Variants in PRH1 observed in about 807,000 individuals in gnomAD.
The protein encoded by PRH1 is proline rich protein HaeIII subfamily 1, also known as salivary acidic proline-rich phosphoprotein 1/2.
A neutral mutation model predicts 7.9 loss-of-function variants in PRH1; 7 were observed. The observed-to-expected ratio is 0.89, with a 90% CI of 0.50 to 1.67. PRH1 has a LOEUF of 1.67. Among genes scored for constraint, PRH1 ranks in the 40% most tolerant of loss-of-function variants. PRH1 has a pLI of 0.00. For synonymous variants in PRH1, 45 were observed against 80.8 expected, an observed-to-expected ratio of 0.56 and a Z score of 2.38; for missense variants, 109 against 223.6, an observed-to-expected ratio of 0.49 and a Z score of 3.27.
At chr12:11,094,041 T>C (rs1381327348) in intron 1 of PRH1, among the ~76,000 whole-genome samples, 1 of 112,626 alleles carries the variant, frequency 8.9e-6, no homozygotes, top group South Asian at 2.4e-4. Flanking sequence ...CTTAGAAAAA[T>C]AAAATCCAGG....
At chr12:11,104,079 T>C (rs1247590189) in intron 1 of PRH1, among the ~76,000 whole-genome samples, 1 of 151,120 alleles carries the variant, frequency 6.6e-6, no homozygotes, top group Non-Finnish European at 1.5e-5. Flanking sequence ...GCTTTTGATG[T>C]GGACACTAGG....
chr12:10,883,555 T>C (rs958788153), intron 1 of PRH1, among the ~76,000 whole-genome samples: 6 of 152,198 alleles, frequency 3.9e-5, no homozygotes, highest in African/African-American at 1.4e-4. Flanking sequence ...GTAAATATGT[T>C]GTTTATGTTT....
chr12:10,904,597 C>T (rs1226713433), intron 2 of PRH1, among the ~76,000 whole-genome samples: 3 of 152,050 alleles, frequency 2.0e-5, no homozygotes, highest in Non-Finnish European at 2.9e-5. Flanking sequence ...TTAGGAAACA[C>T]CATTCTAAAC....
chr12:10,987,041 T>C, intron 1 of PRH1: 1 of 435,464 alleles, frequency 2.3e-6, no homozygotes, highest in East Asian at 3.4e-5. Flanking sequence ...AATGGATGAG[T>C]TTGATGTCAT....
chr12:10,965,049 G>C, intron 2 of PRH1: 6 of 1,000,740 alleles, frequency 6.0e-6, no homozygotes, highest in South Asian at 5.1e-5. Flanking sequence ...AATATGCTGA[G>C]GCTAGTAGCA....
intron 1 of PRH1, among the ~76,000 whole-genome samples, chr12:11,066,700 G>A (rs1290640231): frequency 6.6e-6 from 1 of 151,320 alleles, no homozygotes; most frequent in Admixed American, 6.6e-5. Flanking sequence ...TTTGATAAAT[G>A]TGATTTCCAT....
At chr12:11,107,830 T>A (rs556485130) in intron 1 of PRH1, among the ~76,000 whole-genome samples, 1 of 152,188 alleles carries the variant, frequency 6.6e-6, no homozygotes, top group African/African-American at 2.4e-5. Flanking sequence ...CTGGGTAAAA[T>A]TGAAGAAGAC....
At chr12:11,134,735 A>G (rs1946496516) in intron 1 of PRH1, 1 of 156,430 alleles carries the variant, frequency 6.4e-6, no homozygotes, top group Admixed American at 6.2e-5. Context: ...AACTAAGATC[A>G]TCACCAATAC....
chr12:11,129,864 T>A (rs1403620298), intron 1 of PRH1, among the ~76,000 whole-genome samples: 1 of 152,280 alleles, frequency 6.6e-6, no homozygotes, highest in East Asian at 1.9e-4. Context: ...ATTGATAATA[T>A]TACAGACCGG....
At chr12:10,921,659 G>C (rs989715789) in intron 2 of PRH1, among the ~76,000 whole-genome samples, 3 of 151,764 alleles carry the variant, frequency 2.0e-5, no homozygotes, top group African/African-American at 7.3e-5. Flanking sequence ...CTTTGATTTT[G>C]GTTGACATCC....
At chr12:10,930,035 T>C (rs778732009) in intron 2 of PRH1, among the ~76,000 whole-genome samples, 5 of 152,034 alleles carry the variant, frequency 3.3e-5, no homozygotes, top group Non-Finnish European at 5.9e-5. Flanking sequence ...TAAGGAATCA[T>C]GAGAGGACAA....
chr12:10,943,717 T>C (rs1950440349), intron 2 of PRH1, among the ~76,000 whole-genome samples: 1 of 152,124 alleles, frequency 6.6e-6, no homozygotes, highest in African/African-American at 2.4e-5. Flanking sequence ...TACATTTAGG[T>C]CTTTAATCCA....
At chr12:11,141,831 A>G (rs1250347235) in intron 1 of PRH1, among the ~76,000 whole-genome samples, 1 of 152,216 alleles carries the variant, frequency 6.6e-6, no homozygotes, top group African/African-American at 2.4e-5. Flanking sequence ...TCTGTCACCC[A>G]GGCTGGAGTG....
At chr12:11,011,087 T>C (rs1399702641) in intron 1 of PRH1, among the ~76,000 whole-genome samples, 1 of 152,020 alleles carries the variant, frequency 6.6e-6, no homozygotes, top group Non-Finnish European at 1.5e-5. Context: ...AATGTAAAAG[T>C]AGTCTATAAG....
chr12:11,083,933 TGC>T (rs1944586335), intron 1 of PRH1, among the ~76,000 whole-genome samples: 1 of 64,206 alleles, frequency 1.6e-5, no homozygotes, highest in Non-Finnish European at 3.6e-5. Context: ...TAGTTGGTTC[TGC>T]TGGGACAATT....
At chr12:11,062,915 T>C (rs560285720) in intron 1 of PRH1, among the ~76,000 whole-genome samples, 8 of 152,190 alleles carry the variant, frequency 5.3e-5, no homozygotes, top group Admixed American at 5.2e-4. Flanking sequence ...TATAACTTCA[T>C]TATTCACAAG....
In PRH1 at chr12:11,078,306, T is replaced by A; in HGVS notation, n.124-31118A>T. 2 of 287,584 alleles carry A rather than the reference T, an allele frequency of 7.0e-6. 1 individual carries two copies. The highest frequency in any genetic ancestry group is 1.4e-5 in the Non-Finnish European group (2 of 143,644). 17.8% of individuals were successfully genotyped at this position (287,584 alleles called of 1,614,324 possible). A position where few individuals can be genotyped will look rare whatever the true frequency, so the allele number is the denominator to read the frequency against. On this transcript the variant is annotated intron_variant and non_coding_transcript_variant, in intron 1 of 4. Coordinates refer to the PRH1 transcript ENST00000541977. ...AACACTGGTTCTGATACCCTTAATA[T>A]CCAAACATTAACTTCGATAAACACT...
At chr12:10,936,048 G>A (rs1489838239) in intron 2 of PRH1, among the ~76,000 whole-genome samples, 1 of 151,890 alleles carries the variant, frequency 6.6e-6, no homozygotes, top group Non-Finnish European at 1.5e-5. Flanking sequence ...ATTTTCATGG[G>A]GCATTCGATG....
downstream of PRH1, among the ~76,000 whole-genome samples, chr12:11,118,170 G>C (rs1945784832): frequency 6.6e-6 from 1 of 152,242 alleles, no homozygotes; most frequent in East Asian, 1.9e-4. Flanking sequence ...CTACTCATCT[G>C]GCAAGGGATT....
Sources: allele counts gnomAD v4.1 joint callset (sites outside exome capture counted in the v4.1 genomes callset), GRCh38; gene constraint gnomAD v4.1.1; transcripts MANE v1.5; gene names NCBI Gene and HGNC (gene_info 2026-07-23, HGNC 2026-07-21).